Variants in FOXN4 observed in about 807,000 individuals in gnomAD.
The protein encoded by FOXN4 is forkhead box protein N4.
Under a neutral mutation model 45.0 loss-of-function variants are expected in FOXN4, and 12 were observed. The observed-to-expected ratio is 0.27, with a 90% CI of 0.17 to 0.43. The LOEUF is 0.43. FOXN4 is among the 20% of genes least tolerant of loss of function. The pLI, the probability that FOXN4 is intolerant of heterozygous loss-of-function variation, is 1.00. For synonymous variants in FOXN4, 297 were observed against 295.0 expected, an observed-to-expected ratio of 1.01 and a Z score of -0.07; for missense variants, 560 against 694.9, an observed-to-expected ratio of 0.81 and a Z score of 2.18.
chr12:109,297,627 G>A (rs2047829991), intron 2 of FOXN4, among the ~76,000 whole-genome samples: 1 of 152,078 alleles, frequency 6.6e-6, no homozygotes, highest in Non-Finnish European at 1.5e-5. Flanking sequence ...CGTGAGCCAC[G>A]GTGCCCAGCC....
chr12:109,284,499 C>T lies in FOXN4; in HGVS notation c.901+805G>A, dbSNP rs1258708352. Reference sequence around the variant, plus strand: ...CACACACTAGGGGCTGCCCGGGCCTCTTGGCCATGCTCTGGTGGATGGTGG... The same window carrying T: ...CACACACTAGGGGCTGCCCGGGCCTTTTGGCCATGCTCTGGTGGATGGTGG... On this transcript the variant is annotated intron_variant, in intron 8 of 9. Transcript: ENST00000299162. 2.0e-5 allele frequency among the ~76,000 whole-genome samples: 3 copies of T among 151,650 alleles called. No individual in the cohort carries two copies. In the East Asian group the frequency reaches 5.8e-4, roughly 29 times the overall value.
chr12:109,299,808 T>C (rs569993074), intron 2 of FOXN4, among the ~76,000 whole-genome samples: 21 of 152,342 alleles, frequency 1.4e-4, no homozygotes, highest in African/African-American at 5.0e-4. Context: ...TATTACTTCA[T>C]GGGTGTTACC....
At chr12:109,282,163 G>A (rs77173631) in intron 8 of FOXN4, among the ~76,000 whole-genome samples, 1 of 152,200 alleles carries the variant, frequency 6.6e-6, no homozygotes, top group African/African-American at 2.4e-5. Flanking sequence ...TGAGGAATAA[G>A]AGACGACATC....
chr12:109,287,509 G>A lies in FOXN4; in HGVS notation c.484C>T (p.Leu162Phe), dbSNP rs1258683192. ...PGAQQCPPVG[L>F]YGPPFGVRPP... ...CGCACCCCAAATGGGGGGCCATAGAGGCCCACAGGAGGGCACTTCCCACAG... is the reference window on the plus strand; with the variant it reads ...CGCACCCCAAATGGGGGGCCATAGAAGCCCACAGGAGGGCACTTCCCACAG... The change falls in exon 6 of 10, where the codon CTC becomes TTC. Residue 162 changes from leucine to phenylalanine, a missense_variant. Leu to Phe is a conservative substitution (Grantham distance 22, BLOSUM62 0). Transcript: ENST00000299162. The surrounding 1 kb of genome is among the most constrained non-coding windows in gnomAD (Gnocchi z 4.1). The A allele has an allele frequency of 3.2e-6, 5 of 1,539,970 alleles. No individual in the cohort carries two copies. Among genetic ancestry groups the A allele is most frequent in the Non-Finnish European group, 4.4e-6 (5 of 1,142,780 alleles).
At chr12:109,302,584 G>C (rs2047877483) in intron 2 of FOXN4, among the ~76,000 whole-genome samples, 1 of 152,154 alleles carries the variant, frequency 6.6e-6, no homozygotes, top group Admixed American at 6.5e-5. Context: ...TCACCACAGG[G>C]GGCAGATGTG....
Position 109,286,734 on chromosome 12 carries a change from C to T in FOXN4, c.607G>A (p.Ala203Thr), listed in dbSNP as rs755341712. 9.3e-6 allele frequency: 15 copies of T among 1,605,174 alleles called. No homozygotes were observed. Among genetic ancestry groups the T allele is most frequent in the Admixed American group, 3.3e-5 (2 of 59,808 alleles). Residue 203 changes from alanine to threonine, a missense_variant, in exon 7 of 10, where the codon GCC becomes ACC. Ala to Thr is a moderately conservative substitution (Grantham distance 58). Coordinates refer to ENST00000299162, the MANE Select transcript of FOXN4 (RefSeq NM_213596.3). ...KPIYSYSCLI[A>T]MALKNSKTGS... ...GTCTTGCTGTTCTTCAGGGCCATGG[C>T]GATCAGACAGCTGGGGGCAGGAGGT...
At chr12:109,280,775 T>G (rs1296953048) in intron 9 of FOXN4, among the ~76,000 whole-genome samples, 3 of 152,248 alleles carry the variant, frequency 2.0e-5, no homozygotes, top group Non-Finnish European at 4.4e-5. Flanking sequence ...AGTGAATGGA[T>G]GAAGTCTGAG....
At chr12:109,295,514 G>T (rs1178912393) in intron 2 of FOXN4, among the ~76,000 whole-genome samples, 1 of 152,160 alleles carries the variant, frequency 6.6e-6, no homozygotes, top group East Asian at 1.9e-4. Flanking sequence ...GGCCGGGTGT[G>T]GTGGCTCATG....
At chr12:109,303,785 G>T (rs916515444) in intron 2 of FOXN4, among the ~76,000 whole-genome samples, 4 of 152,116 alleles carry the variant, frequency 2.6e-5, no homozygotes, top group Admixed American at 2.6e-4. Context: ...AAAAGGTAGG[G>T]GCAGGTGATT....
intron 1 of FOXN4, among the ~76,000 whole-genome samples, chr12:109,308,801 T>C (rs992271109): frequency 5.9e-5 from 9 of 152,250 alleles, no homozygotes; most frequent in African/African-American, 1.7e-4. Flanking sequence ...TGCCCTGAAA[T>C]GCCTTCAGAA....
intron 2 of FOXN4, among the ~76,000 whole-genome samples, chr12:109,297,268 G>A (rs1487889261): frequency 2.0e-5 from 3 of 152,250 alleles, no homozygotes; most frequent in Non-Finnish European, 4.4e-5. Context: ...AGATTCTCAC[G>A]GGAGCGTAAA....
In FOXN4 at chr12:109,279,596, C is replaced by G. The variant is rs2062117597; in HGVS notation, c.*75G>C. 1 of 1,532,884 alleles carries G rather than the reference C, an allele frequency of 6.5e-7. No homozygotes were observed. Among genetic ancestry groups the G allele is most frequent in the African/African-American group, 1.4e-5 (1 of 72,812 alleles). The allele number at this position is 1,532,884 out of a possible 1,614,324, so 95.0% of individuals were successfully genotyped here. ...TCGGGGACAATGAGGGACCTGCCTT[C>G]TGGGAACACCCTGTTCTAGTCAGTT... On this transcript the variant is annotated 3_prime_UTR_variant, in exon 10 of 10. Transcript: ENST00000299162.
At chr12:109,293,763 G>C (rs1242039264) in intron 2 of FOXN4, among the ~76,000 whole-genome samples, 2 of 152,158 alleles carry the variant, frequency 1.3e-5, no homozygotes, top group Non-Finnish European at 1.5e-5. Flanking sequence ...CCCAAAGTGG[G>C]TGCCCTTTAA....
In FOXN4 at chr12:109,288,104, G is replaced by A. The variant is rs1191728224; in HGVS notation, c.309C>T (p.Ala103=). 1 of 1,547,438 alleles carries A rather than the reference G, an allele frequency of 6.5e-7. No homozygotes were observed. Among genetic ancestry groups the A allele is most frequent in the South Asian group, 1.2e-5 (1 of 83,642 alleles). The change falls in exon 4 of 10, where the codon GCC becomes GCT. Residue 103 remains alanine, a synonymous_variant. Transcript: ENST00000299162. The surrounding 1 kb of genome is among the most constrained non-coding windows in gnomAD (Gnocchi z 4.3). The part of the protein sequence containing the change: ...SPLLHGPAGM[A]PRGMPGLGPI... ...GGCCCAGACCTGGCATGCCTCGGGG[G>A]GCCATGCCTGCTGGGCCATGGAGAA... is the stretch of plus-strand genomic sequence containing the variant.
intron 2 of FOXN4, among the ~76,000 whole-genome samples, chr12:109,300,068 T>G (rs2047855969): frequency 6.6e-6 from 1 of 152,106 alleles, no homozygotes; most frequent in South Asian, 2.1e-4. Flanking sequence ...TCTCACGAGG[T>G]ATGGTGAGGA....
intron 8 of FOXN4, among the ~76,000 whole-genome samples, chr12:109,284,446 TATGTGTGCGTGC>T (rs11272447): frequency 5.3e-5 from 8 of 151,746 alleles, no homozygotes; most frequent in African/African-American, 1.5e-4. Flanking sequence ...TGTGCATGCA[TATGTGTGCGTGC>T]ATGTGTGCGT....
intron 9 of FOXN4, among the ~76,000 whole-genome samples, chr12:109,281,119 C>T (rs1460816264): frequency 2.0e-5 from 3 of 152,196 alleles, no homozygotes; most frequent in Non-Finnish European, 4.4e-5. Context: ...TCCCTGTTGG[C>T]TGCCATTGGC....
intron 2 of FOXN4, among the ~76,000 whole-genome samples, chr12:109,304,127 G>A (rs1440536169): frequency 9.3e-5 from 14 of 150,430 alleles, no homozygotes; most frequent in African/African-American, 3.4e-4. Context: ...GGAAGTGGAA[G>A]TTGCAGTGAG....
At chr12:109,295,074 TGA>T (rs1380281830) in intron 2 of FOXN4, among the ~76,000 whole-genome samples, 1 of 152,196 alleles carries the variant, frequency 6.6e-6, no homozygotes, top group East Asian at 1.9e-4. Flanking sequence ...AAAATGGGCA[TGA>T]GTGATAATAA....
Sources: gnomAD v4.1 joint callset for allele counts (sites outside exome capture counted in the v4.1 genomes callset) on GRCh38, gnomAD v4.1.1 for gene constraint, Gnocchi (gnomAD v3.1) non-coding constraint, MANE v1.5 for transcripts, NCBI Gene and HGNC (gene_info 2026-07-23, HGNC 2026-07-21) for gene names.